COG5: variants seen among roughly 807,000 people sequenced by gnomAD.
COG5 encodes component of oligomeric golgi complex 5.
A neutral mutation model predicts 110.4 loss-of-function variants in COG5; 86 were observed. The observed-to-expected ratio is 0.78, with a 90% CI of 0.65 to 0.93. The LOEUF (loss-of-function observed/expected upper bound fraction) is 0.93, where lower values mean the gene tolerates loss of function less well. Among genes scored for constraint, COG5 ranks in the 40% least tolerant of loss-of-function variants. The pLI is 0.00. For synonymous variants in COG5, 360 were observed against 334.6 expected, an observed-to-expected ratio of 1.08 and a Z score of -0.83; for missense variants, 1,077 against 987.0, an observed-to-expected ratio of 1.09 and a Z score of -1.22.
In COG5 at chr7:107,474,734, T is replaced by C. The variant is rs760319140; in HGVS notation, c.538+52503A>G. On this transcript the variant is annotated intron_variant, in intron 6 of 21. Transcript: ENST00000297135. This position sits in a 1 kb window ranked among gnomAD's most constrained non-coding sequence, Gnocchi z 5.7. ...ATCCCAATATTCTTTTTCACTGTTGTAGTAATGTTAATCACATACACCAAA... is the reference window on the plus strand; with the variant it reads ...ATCCCAATATTCTTTTTCACTGTTGCAGTAATGTTAATCACATACACCAAA... The C allele has an allele frequency of 1.9e-6, 3 of 1,610,724 alleles. No homozygotes were observed. Among genetic ancestry groups the C allele is most frequent in the Admixed American group, 1.7e-5 (1 of 59,586 alleles).
At chr7:107,355,024 T>G (rs2129043288) in intron 10 of COG5, among the ~76,000 whole-genome samples, 1 of 152,344 alleles carries the variant, frequency 6.6e-6, no homozygotes, top group South Asian at 2.1e-4. Flanking sequence ...TTTGGACCAC[T>G]TTTAACATAT....
intron 11 of COG5, among the ~76,000 whole-genome samples, chr7:107,317,423 G>T (rs768140769): frequency 6.6e-6 from 1 of 152,046 alleles, no homozygotes; most frequent in Admixed American, 6.6e-5. Context: ...TCCAGAGTTT[G>T]GGGGAAAACT....
chr7:107,334,011 A>C (rs1185566786), intron 10 of COG5, among the ~76,000 whole-genome samples: 3 of 152,166 alleles, frequency 2.0e-5, no homozygotes, highest in Non-Finnish European at 4.4e-5. Flanking sequence ...CCCCCAGTTA[A>C]GAATGCATGG....
intron 19 of COG5, among the ~76,000 whole-genome samples, chr7:107,229,180 G>C (rs1800585743): frequency 3.3e-5 from 5 of 152,188 alleles, no homozygotes; most frequent in Admixed American, 3.3e-4. Flanking sequence ...GCTAGGCGCA[G>C]TGGCTCACGC....
chr7:107,383,907 G>A (rs1815341770), intron 7 of COG5, among the ~76,000 whole-genome samples: 1 of 152,080 alleles, frequency 6.6e-6, no homozygotes, highest in African/African-American at 2.4e-5. Flanking sequence ...CAAACTCACT[G>A]GCTTAGGGTT....
intron 6 of COG5, among the ~76,000 whole-genome samples, chr7:107,492,759 TC>T (rs1408559343): frequency 6.6e-6 from 1 of 152,038 alleles, no homozygotes; most frequent in Non-Finnish European, 1.5e-5. Context: ...CAGAATAATC[TC>T]CCCATCTCAA....
At chr7:107,206,908 A>G (rs1056005553) in intron 21 of COG5, among the ~76,000 whole-genome samples, 2 of 152,246 alleles carry the variant, frequency 1.3e-5, no homozygotes, top group Non-Finnish European at 2.9e-5. Context: ...CTTGGAAGTC[A>G]GGCCAAGTGT....
intron 14 of COG5, among the ~76,000 whole-genome samples, chr7:107,270,882 C>CG (rs1804209005): frequency 1.5e-5 from 1 of 68,726 alleles, no homozygotes; most frequent in Non-Finnish European, 2.6e-5. Flanking sequence ...CTAACTAGAA[C>CG]TTTTTTTTTT....
At chr7:107,412,244 A>G (rs1315435777) in intron 7 of COG5, among the ~76,000 whole-genome samples, 1 of 152,132 alleles carries the variant, frequency 6.6e-6, no homozygotes, top group Non-Finnish European at 1.5e-5. Flanking sequence ...ATCTATCTAT[A>G]TATGCACATC....
At chr7:107,378,480 T>C (rs1292466132) in intron 7 of COG5, among the ~76,000 whole-genome samples, 1 of 152,012 alleles carries the variant, frequency 6.6e-6, no homozygotes, top group Admixed American at 6.6e-5. Flanking sequence ...TCCTCCGAGC[T>C]AAAGGAGCAT....
At chr7:107,440,404 A>T (rs1314623156) in intron 6 of COG5, among the ~76,000 whole-genome samples, 1 of 151,748 alleles carries the variant, frequency 6.6e-6, no homozygotes, top group Non-Finnish European at 1.5e-5. Flanking sequence ...AAAAAAGCTG[A>T]GAGGGATGTT....
chr7:107,448,188 C>T (rs958142188), intron 6 of COG5, among the ~76,000 whole-genome samples: 34 of 152,028 alleles, frequency 2.2e-4, no homozygotes, highest in African/African-American at 8.0e-4. Context: ...CTGACACCCT[C>T]CTCCCCCAAA....
chr7:107,380,130 C>G (rs944193575), intron 7 of COG5, among the ~76,000 whole-genome samples: 32 of 151,744 alleles, frequency 2.1e-4, no homozygotes, highest in African/African-American at 7.7e-4. Context: ...ACTCAAATTT[C>G]TCACACAGAC....
chr7:107,493,249 G>C (rs889466145), intron 6 of COG5, among the ~76,000 whole-genome samples: 2 of 152,100 alleles, frequency 1.3e-5, no homozygotes, highest in African/African-American at 2.4e-5. Context: ...CTTGCCTCCA[G>C]AACTGTGAGA....
At chr7:107,562,887 T>C (rs1336341444) in intron 1 of COG5, among the ~76,000 whole-genome samples, 1 of 152,208 alleles carries the variant, frequency 6.6e-6, no homozygotes, top group Non-Finnish European at 1.5e-5. Context: ...TTAAAAAACA[T>C]TCTGCACCTA....
chr7:107,528,195 G>A (rs1253404253), intron 5 of COG5, among the ~76,000 whole-genome samples: 2 of 151,512 alleles, frequency 1.3e-5, no homozygotes, highest in Non-Finnish European at 1.5e-5. Flanking sequence ...GGGCTCAAGC[G>A]ATCCTTCTGC....
At chr7:107,511,699 G>T (rs1367467135) in intron 6 of COG5, among the ~76,000 whole-genome samples, 1 of 152,178 alleles carries the variant, frequency 6.6e-6, no homozygotes, top group Non-Finnish European at 1.5e-5. Flanking sequence ...TATCTACCAT[G>T]ATCAAGTGGG....
intron 1 of COG5, among the ~76,000 whole-genome samples, chr7:107,558,890 A>C (rs547330132): frequency 1.1e-3 from 151 of 141,486 alleles, no homozygotes; most frequent in African/African-American, 3.9e-3. Context: ...TCTGTCCCAA[A>C]AAAAAAAAAA....
intron 14 of COG5, among the ~76,000 whole-genome samples, chr7:107,264,667 C>T (rs1286617048): frequency 3.9e-5 from 6 of 151,992 alleles, no homozygotes; most frequent in South Asian, 2.1e-4. Context: ...TACTCCAGCC[C>T]GAGCGACAGA....
Sources: gnomAD v4.1 joint callset for allele counts (sites outside exome capture counted in the v4.1 genomes callset) on GRCh38, gnomAD v4.1.1 for gene constraint, Gnocchi (gnomAD v3.1) non-coding constraint, MANE v1.5 for transcripts, NCBI Gene and HGNC (gene_info 2026-07-23, HGNC 2026-07-21) for gene names.